The following IFT43 variants were observed in gnomAD, a reference collection of about 807,000 sequenced individuals.
The protein encoded by IFT43 is intraflagellar transport protein 43 homolog.
In IFT43, 33 loss-of-function variants were observed where a neutral mutation model predicts 32.3. The ratio of observed to expected loss-of-function variants is 1.02; its 90% CI spans 0.77 to 1.37. IFT43 has a LOEUF of 1.37. IFT43 is among the 40% of genes most tolerant of loss of function. IFT43 has a pLI of 0.00. For missense variants in IFT43, 274 were observed against 265.9 expected (o/e 1.03, Z -0.21); for synonymous variants, 93 against 98.2 (o/e 0.95, Z 0.31).
chr14:76,064,737 G>C (rs1332173559), intron 5 of IFT43, among the ~76,000 whole-genome samples: 1 of 152,120 alleles, frequency 6.6e-6, no homozygotes, highest in Admixed American at 6.5e-5. Context: ...AAGTAAGAAA[G>C]CATTAAACTC....
intron 3 of IFT43, among the ~76,000 whole-genome samples, chr14:76,027,455 G>T (rs2036422706): frequency 6.6e-6 from 1 of 152,056 alleles, no homozygotes; most frequent in Non-Finnish European, 1.5e-5. Context: ...GGGCGCAGTG[G>T]CTCACGCACT....
intron 5 of IFT43, among the ~76,000 whole-genome samples, chr14:76,079,797 C>G (rs1443429843): frequency 6.6e-6 from 1 of 152,184 alleles, no homozygotes; most frequent in African/African-American, 2.4e-5. Context: ...GCTACATCAC[C>G]AGTCCACCTT....
intron 5 of IFT43, among the ~76,000 whole-genome samples, chr14:76,060,063 A>G (rs1403173205): frequency 1.3e-5 from 2 of 152,204 alleles, no homozygotes; most frequent in Non-Finnish European, 1.5e-5. Context: ...AGCTATATAA[A>G]CGCAGGGAAA....
intron 2 of IFT43, among the ~76,000 whole-genome samples, chr14:76,001,032 A>G (rs2035875031): frequency 1.3e-5 from 2 of 152,218 alleles, no homozygotes; most frequent in Admixed American, 1.3e-4. Context: ...TAGGGTCTCT[A>G]TGAAGAACCT....
At chr14:76,005,220 T>C (rs756187410) in intron 2 of IFT43, among the ~76,000 whole-genome samples, 19 of 152,378 alleles carry the variant, frequency 1.2e-4, no homozygotes, top group South Asian at 8.3e-4. Context: ...TGTTTATTTT[T>C]GTTTTAGTAG....
intron 3 of IFT43, among the ~76,000 whole-genome samples, chr14:76,035,007 G>C (rs1051508623): frequency 6.6e-6 from 1 of 152,238 alleles, no homozygotes; most frequent in African/African-American, 2.4e-5. Context: ...GTCTCAAAGT[G>C]TCTGTTTTTG....
intron 2 of IFT43, among the ~76,000 whole-genome samples, chr14:76,002,101 G>A (rs1319085374): frequency 1.3e-5 from 2 of 152,150 alleles, no homozygotes; most frequent in Non-Finnish European, 2.9e-5. Context: ...TACAAAATTA[G>A]CTGGGCGTGG....
At chr14:75,991,387 G>GAGTGTGTGTGTGTATATTAACA (rs2035637903) in intron 2 of IFT43, among the ~76,000 whole-genome samples, 1 of 86,512 alleles carries the variant, frequency 1.2e-5, no homozygotes, top group African/African-American at 5.8e-5. Flanking sequence ...ATATTAACAA[G>GAGTGTGTGTGTGTATATTAACA]AGTGTGTGTG....
chr14:76,005,649 T>C (rs115694912), intron 2 of IFT43, among the ~76,000 whole-genome samples: 2,053 of 152,326 alleles, frequency 0.013, 50 homozygotes, highest in African/African-American at 0.043. Context: ...CTAGCAGCCC[T>C]GAGCTTTGTT....
At position 76,020,687 on chromosome 14, in the gene IFT43, G is replaced by C. The variant is rs144020324; in HGVS notation, c.148-1640G>C. Among the ~76,000 whole-genome samples, 773 of 152,306 alleles carry C rather than the reference G, an allele frequency of 5.1e-3. 2 individuals are homozygous for C. Among genetic ancestry groups the C allele is most frequent in the Non-Finnish European group, 8.9e-3 (604 of 68,016 alleles). ...TAGGCTATAGTTGTTATTGGAGGCT[G>C]TGACAAGGCTTTATTGCAAATGGGG... On this transcript the variant is annotated intron_variant, in intron 2 of 8. Coordinates refer to ENST00000314067, the MANE Select transcript of IFT43 (RefSeq NM_001102564.3).
At chr14:76,050,221 T>C (rs2036888053) in intron 3 of IFT43, among the ~76,000 whole-genome samples, 1 of 152,228 alleles carries the variant, frequency 6.6e-6, no homozygotes, top group South Asian at 2.1e-4. Context: ...TGCTTACACC[T>C]TCCTCACTTG....
At chr14:76,074,157 TAGAATC>T (rs1367308489) in intron 5 of IFT43, among the ~76,000 whole-genome samples, 5 of 151,752 alleles carry the variant, frequency 3.3e-5, no homozygotes, top group Non-Finnish European at 7.4e-5. Flanking sequence ...GAGGATGAAA[TAGAATC>T]AGATATGCCT....
At chr14:76,002,967 A>G (rs2035918061) in intron 2 of IFT43, among the ~76,000 whole-genome samples, 1 of 152,210 alleles carries the variant, frequency 6.6e-6, no homozygotes, top group Non-Finnish European at 1.5e-5. Context: ...TAGAAACCGT[A>G]AGGTTGTGAT....
chr14:76,038,012 T>C (rs1483533481), intron 3 of IFT43: 1 of 152,246 alleles, frequency 6.6e-6, no homozygotes, highest in Non-Finnish European at 1.5e-5. Context: ...TTTGCTCATT[T>C]GGTTTTCAAG....
chr14:76,039,859 C>T (rs2036673124), intron 3 of IFT43, among the ~76,000 whole-genome samples: 1 of 152,210 alleles, frequency 6.6e-6, no homozygotes, highest in Admixed American at 6.5e-5. Context: ...CACCCACCTA[C>T]AGACACAAAT....
chr14:76,072,502 C>T (rs1368414766), intron 5 of IFT43, among the ~76,000 whole-genome samples: 9 of 152,258 alleles, frequency 5.9e-5, no homozygotes, highest in Non-Finnish European at 1.2e-4. Context: ...GTAACGTCTC[C>T]GGGATTCCAT....
intron 3 of IFT43, among the ~76,000 whole-genome samples, chr14:76,041,513 GC>G (rs1447272962): frequency 6.6e-6 from 1 of 152,196 alleles, no homozygotes; most frequent in Non-Finnish European, 1.5e-5. Context: ...AACCCCTCCA[GC>G]TGGGGAACTT....
intron 4 of IFT43, chr14:76,058,905 A>G (rs2037077311): frequency 1.4e-6 from 2 of 1,463,420 alleles, no homozygotes; most frequent in Non-Finnish European, 1.8e-6. Flanking sequence ...TGGTTTTAGA[A>G]TTATATGTCC....
intron 4 of IFT43, 57 bp downstream of exon 4, chr14:76,058,731 G>A: frequency 4.4e-6 from 7 of 1,609,006 alleles, no homozygotes; most frequent in Non-Finnish European, 5.9e-6. Context: ...GGTCAACAGT[G>A]CAGTCTTGGT....
Sources: allele counts gnomAD v4.1 joint callset (sites outside exome capture counted in the v4.1 genomes callset), GRCh38; gene constraint gnomAD v4.1.1; transcripts MANE v1.5; gene names NCBI Gene and HGNC (gene_info 2026-07-23, HGNC 2026-07-21).